Variants in COL25A1 observed in about 807,000 individuals in gnomAD.
COL25A1 encodes the protein collagen alpha-1(XXV) chain.
Under a neutral mutation model 128.4 loss-of-function variants are expected in COL25A1, and 103 were observed. The observed-to-expected ratio is 0.80, with a 90% CI of 0.68 to 0.94. The LOEUF (loss-of-function observed/expected upper bound fraction) is 0.94. Ranked by LOEUF, COL25A1 falls within the 40% of genes least tolerant of loss-of-function variation. The pLI, the probability that COL25A1 is intolerant of heterozygous loss-of-function variation, is 0.00. For missense variants in COL25A1, 745 were observed against 840.0 expected (o/e 0.89, Z 1.40); for synonymous variants, 279 against 277.2 (o/e 1.01, Z -0.06).
At chr4:109,003,817 CA>C (rs199911632) in intron 6 of COL25A1, among the ~76,000 whole-genome samples, 1 of 151,956 alleles carries the variant, frequency 6.6e-6, no homozygotes, top group Non-Finnish European at 1.5e-5. Flanking sequence ...AAAACAAAAA[CA>C]AAAAAACGAA....
At chr4:108,963,333 T>C (rs1247753039) in intron 8 of COL25A1, among the ~76,000 whole-genome samples, 2 of 152,214 alleles carry the variant, frequency 1.3e-5, no homozygotes, top group Non-Finnish European at 2.9e-5. Flanking sequence ...TAATGTTCAA[T>C]TTTGTTAGTG....
chr4:108,939,322 T>A (rs1348962231), intron 10 of COL25A1, among the ~76,000 whole-genome samples: 3 of 152,218 alleles, frequency 2.0e-5, no homozygotes, highest in Admixed American at 2.0e-4. Flanking sequence ...TCAACCACTG[T>A]CTTTGAAGGT....
intron 18 of COL25A1, among the ~76,000 whole-genome samples, chr4:108,887,651 C>A (rs892659238): frequency 6.6e-6 from 1 of 152,102 alleles, no homozygotes; most frequent in African/African-American, 2.4e-5. Flanking sequence ...CAAAGGAAAT[C>A]CAGTGTTCCC....
At chr4:109,109,843 G>C (rs1436037080) in intron 3 of COL25A1, among the ~76,000 whole-genome samples, 1 of 152,182 alleles carries the variant, frequency 6.6e-6, no homozygotes, top group African/African-American at 2.4e-5. Context: ...AAACAGAGAT[G>C]ATCAGTGATG....
chr4:109,263,837 AG>A, intron 3 of COL25A1, among the ~76,000 whole-genome samples: 1 of 152,332 alleles, frequency 6.6e-6, no homozygotes, highest in African/African-American at 2.4e-5. Flanking sequence ...TGCTCAACCA[AG>A]AAGGAAAAAC....
intron 13 of COL25A1, among the ~76,000 whole-genome samples, chr4:108,912,619 G>A (rs1310094241): frequency 2.0e-5 from 3 of 152,072 alleles, no homozygotes; most frequent in Non-Finnish European, 4.4e-5. Context: ...AAAACTTTCA[G>A]GAATGTAGGT....
At chr4:109,258,932 T>G (rs1393781413) in intron 3 of COL25A1, among the ~76,000 whole-genome samples, 1 of 152,222 alleles carries the variant, frequency 6.6e-6, no homozygotes, top group Non-Finnish European at 1.5e-5. Context: ...AGTCATGGTC[T>G]AACAGTTTTG....
At chr4:108,954,722 G>T (rs1395538144) in intron 8 of COL25A1, among the ~76,000 whole-genome samples, 1 of 151,674 alleles carries the variant, frequency 6.6e-6, no homozygotes, top group Non-Finnish European at 1.5e-5. Context: ...TCTTTTTATG[G>T]TTACATGAAT....
At chr4:108,928,639 C>T (rs1424150891) in intron 11 of COL25A1, among the ~76,000 whole-genome samples, 2 of 151,878 alleles carry the variant, frequency 1.3e-5, no homozygotes. Context: ...ACCTTCCAGC[C>T]TCAAGCGATC....
Position 108,889,550 on chromosome 4 carries a change from AT to A in COL25A1, c.939+150del. The A allele has an allele frequency of 2.4e-5, 17 of 698,018 alleles. No individual in the cohort carries two copies. The South Asian group carries it at 3.2e-4, about 13-fold the overall frequency. 43.2% of individuals were successfully genotyped at this position (698,018 alleles called of 1,614,324 possible). On this transcript the variant is annotated intron_variant, in intron 17 of 37. Coordinates refer to ENST00000399132, the MANE Select transcript of COL25A1 (RefSeq NM_198721.4). ...AACCTTCATCACATTTCCCACAGAT[AT>A]TCCCTATTGTTTTTGGAAGCCCAGT...
At chr4:109,190,990 A>T (rs1310996725) in intron 3 of COL25A1, among the ~76,000 whole-genome samples, 1 of 152,240 alleles carries the variant, frequency 6.6e-6, no homozygotes, top group African/African-American at 2.4e-5. Context: ...TCTGTGGCAT[A>T]AAGCCTATCA....
At position 108,860,828 on chromosome 4, in the gene COL25A1, T is replaced by A. The variant is rs1737117514; in HGVS notation, c.1242+99A>T. The A allele has an allele frequency of 6.2e-6, 6 of 970,490 alleles. No individual in the cohort carries two copies. In the African/African-American group the frequency reaches 6.5e-5, roughly 10 times the overall value. The allele number at this position is 970,490 out of a possible 1,614,324, so 60.1% of individuals were successfully genotyped here. On this transcript the variant is annotated intron_variant, in intron 23 of 37. Transcript: ENST00000399132. ...GTCTACCTCCAATACTATTATTAAG[T>A]ATTATTAATACAGATGTCATATGAA...
chr4:109,291,750 A>G (rs1052982655), intron 3 of COL25A1, among the ~76,000 whole-genome samples: 5 of 152,096 alleles, frequency 3.3e-5, no homozygotes, highest in African/African-American at 1.2e-4. Flanking sequence ...AAAGAACAAG[A>G]ACAATATTGT....
chr4:109,076,446 T>C (rs1763383384), intron 3 of COL25A1, among the ~76,000 whole-genome samples: 1 of 152,178 alleles, frequency 6.6e-6, no homozygotes, highest in African/African-American at 2.4e-5. Context: ...AACCCTGGTG[T>C]TCTGCTGATT....
rs969442674 is a variant in COL25A1, at chr4:109,063,777, G to C, written c.368-13598C>G. On this transcript the variant is annotated intron_variant, in intron 3 of 37. Coordinates refer to ENST00000399132, the MANE Select transcript of COL25A1 (RefSeq NM_198721.4). ...GTTTGAAATAAGACTGGATAAGTAA[G>C]CCCCGTCCAGATTATTAAAGTCCTC... Among the ~76,000 whole-genome samples the C allele has an allele frequency of 5.3e-5, 8 of 152,136 alleles. No individual in the cohort carries two copies. In the East Asian group the frequency reaches 1.5e-3, roughly 29 times the overall value.
At chr4:108,985,483 G>A (rs1753579635) in intron 6 of COL25A1, among the ~76,000 whole-genome samples, 1 of 152,152 alleles carries the variant, frequency 6.6e-6, no homozygotes, top group South Asian at 2.1e-4. Context: ...CAGAAGGGGA[G>A]GTAGCAGAAT....
chr4:109,103,756 A>C (rs1766137225), intron 3 of COL25A1, among the ~76,000 whole-genome samples: 1 of 152,202 alleles, frequency 6.6e-6, no homozygotes, highest in Admixed American at 6.5e-5. Flanking sequence ...GCGTTCTGTC[A>C]AAGGGCTCAG....
intron 8 of COL25A1, among the ~76,000 whole-genome samples, chr4:108,955,826 T>C (rs1186776178): frequency 6.6e-6 from 1 of 152,068 alleles, no homozygotes; most frequent in African/African-American, 2.4e-5. Flanking sequence ...TAATTCTCTG[T>C]CAAACAGAAA....
rs534502934 is a variant in COL25A1, at chr4:109,077,597, A to G, written c.368-27418T>C. Among the ~76,000 whole-genome samples the G allele has an allele frequency of 3.9e-5, 6 of 152,360 alleles. No individual in the cohort carries two copies. In the East Asian group the frequency reaches 7.7e-4, roughly 20 times the overall value. Reference sequence around the variant, plus strand: ...GCTATGAGTGTGTATTAGAAGCCCAATGAACACCAGCTTCAAACATTTTAG... The same window carrying G: ...GCTATGAGTGTGTATTAGAAGCCCAGTGAACACCAGCTTCAAACATTTTAG... On this transcript the variant is annotated intron_variant, in intron 3 of 37. Transcript: ENST00000399132.
Sources: allele counts gnomAD v4.1 joint callset (sites outside exome capture counted in the v4.1 genomes callset), GRCh38; gene constraint gnomAD v4.1.1; transcripts MANE v1.5; gene names NCBI Gene and HGNC (gene_info 2026-07-23, HGNC 2026-07-21).